MTA3: variants seen among roughly 807,000 people sequenced by gnomAD.
MTA3 encodes metastasis associated 1 family member 3.
MTA3 carries 34 observed loss-of-function variants against 83.5 expected under a neutral mutation model. The ratio of observed to expected loss-of-function variants is 0.41; its 90% confidence interval spans 0.31 to 0.54. The LOEUF (loss-of-function observed/expected upper bound fraction) is 0.54. Ranked by LOEUF, MTA3 falls within the 20% of genes least tolerant of loss-of-function variation. The probability of loss-of-function intolerance (pLI) is 0.33; values close to 1 mark genes in which losing one functional copy is unlikely to be tolerated. For synonymous variants in MTA3, 303 were observed against 252.7 expected, an observed-to-expected ratio of 1.20 and a Z score of -1.89; for missense variants, 761 against 726.4, an observed-to-expected ratio of 1.05 and a Z score of -0.55.
intron 8 of MTA3, chr2:42,680,153 T>C (rs1311166385): frequency 1.3e-5 from 2 of 153,132 alleles, no homozygotes; most frequent in African/African-American, 4.8e-5. Context: ...TTTTCTGGGA[T>C]AGCAACTCCT....
At chr2:42,601,665 G>A (rs1005147312) in intron 3 of MTA3, among the ~76,000 whole-genome samples, 1 of 152,134 alleles carries the variant, frequency 6.6e-6, no homozygotes, top group East Asian at 1.9e-4. Context: ...TGGGATTCCA[G>A]GTTCACGCCA....
At chr2:42,643,711 A>G (rs1416232594) in intron 5 of MTA3, among the ~76,000 whole-genome samples, 3 of 152,228 alleles carry the variant, frequency 2.0e-5, no homozygotes, top group Admixed American at 2.0e-4. Context: ...GATGGACATT[A>G]CAAAAGTAAG....
intron 9 of MTA3, among the ~76,000 whole-genome samples, chr2:42,688,531 T>G (rs1692591829): frequency 6.6e-6 from 1 of 152,210 alleles, no homozygotes; most frequent in South Asian, 2.1e-4. Flanking sequence ...GTGAAATGTT[T>G]TTCAAAATCT....
chr2:42,618,456 A>T (rs1685169609), intron 4 of MTA3, among the ~76,000 whole-genome samples: 1 of 152,210 alleles, frequency 6.6e-6, no homozygotes, highest in African/African-American at 2.4e-5. Context: ...TATGTTAAAA[A>T]TTTTAAATAA....
intron 2 of MTA3, among the ~76,000 whole-genome samples, chr2:42,496,840 A>C (rs754265698): frequency 6.6e-6 from 1 of 152,074 alleles, no homozygotes; most frequent in Non-Finnish European, 1.5e-5. Flanking sequence ...TCCTATCTCT[A>C]TGAATTCTGA....
intron 2 of MTA3, among the ~76,000 whole-genome samples, chr2:42,536,887 T>C (rs1377392115): frequency 4.1e-5 from 6 of 144,590 alleles, no homozygotes; most frequent in Non-Finnish European, 9.0e-5. Flanking sequence ...AGGGAGTATA[T>C]AGTGGTCCCT....
At chr2:42,524,513 A>G (rs1201457911) in intron 2 of MTA3, among the ~76,000 whole-genome samples, 2 of 120,242 alleles carry the variant, frequency 1.7e-5, no homozygotes, top group Admixed American at 1.0e-4. Flanking sequence ...TTTAGTAGAG[A>G]TGGGGTTTCA....
chr2:42,677,461 G>A (rs1275728756), intron 8 of MTA3, among the ~76,000 whole-genome samples: 1 of 152,104 alleles, frequency 6.6e-6, no homozygotes, highest in Non-Finnish European at 1.5e-5. Flanking sequence ...TCCTGCCTCA[G>A]CCTACTGAGT....
At chr2:42,535,255 C>T (rs1325952799) in intron 2 of MTA3, among the ~76,000 whole-genome samples, 1 of 152,008 alleles carries the variant, frequency 6.6e-6, no homozygotes, top group Non-Finnish European at 1.5e-5. Flanking sequence ...GGCATGGTGG[C>T]ACATGCCTGT....
intron 9 of MTA3, among the ~76,000 whole-genome samples, chr2:42,691,196 G>C (rs889019329): frequency 6.6e-6 from 1 of 152,096 alleles, no homozygotes; most frequent in African/African-American, 2.4e-5. Flanking sequence ...ATTTTTAATA[G>C]AGACGGGGTT....
At chr2:42,561,327 T>TC (rs1553342350) in intron 2 of MTA3, among the ~76,000 whole-genome samples, 1 of 151,442 alleles carries the variant, frequency 6.6e-6, no homozygotes, top group African/African-American at 2.4e-5. Context: ...TTTATTTATT[T>TC]CTTTTTTTTT....
intron 4 of MTA3, among the ~76,000 whole-genome samples, chr2:42,619,606 A>T (rs2104177316): frequency 6.6e-6 from 1 of 152,326 alleles, no homozygotes; most frequent in South Asian, 2.1e-4. Context: ...CCAGTGATTC[A>T]ATGTAGTTCC....
chr2:42,658,727 T>C (rs1417677336), intron 7 of MTA3, among the ~76,000 whole-genome samples: 1 of 152,178 alleles, frequency 6.6e-6, no homozygotes, highest in African/African-American at 2.4e-5. Flanking sequence ...ACTATCTGTT[T>C]ACTGTGTACT....
intron 6 of MTA3, 102 bp downstream of exon 6, chr2:42,644,346 A>G (rs1687967732): frequency 4.5e-6 from 3 of 668,782 alleles, no homozygotes; most frequent in South Asian, 4.4e-5. Context: ...GGCAAAGTCT[A>G]AAAGTTATAA....
chr2:42,751,830 T>C (rs1338516783), intron 16 of MTA3, among the ~76,000 whole-genome samples: 1 of 152,114 alleles, frequency 6.6e-6, no homozygotes, highest in East Asian at 1.9e-4. Flanking sequence ...CTCCACTAAA[T>C]ACAAAAAGAG....
intron 2 of MTA3, among the ~76,000 whole-genome samples, chr2:42,502,637 A>G (rs1034557323): frequency 6.6e-6 from 1 of 152,034 alleles, no homozygotes; most frequent in East Asian, 1.9e-4. Flanking sequence ...CGTCTCTACT[A>G]AAAATACAAA....
At chr2:42,622,044 C>T (rs1243685281) in intron 4 of MTA3, among the ~76,000 whole-genome samples, 3 of 152,182 alleles carry the variant, frequency 2.0e-5, no homozygotes, top group African/African-American at 7.2e-5. Context: ...TTTGGGAGGC[C>T]AAGGCAGGCG....
chr2:42,753,421 A>C lies in MTA3; in HGVS notation c.*22A>C. ...CTGAGCTTTCCCTGATTCATTCTACAATCCAAGACTTGCTGCACTGTCCTG... is the reference window on the plus strand; with the variant it reads ...CTGAGCTTTCCCTGATTCATTCTACCATCCAAGACTTGCTGCACTGTCCTG... On this transcript the variant is annotated 3_prime_UTR_variant, in exon 17 of 17. Transcript: ENST00000405094. 1 of 1,550,554 alleles carries C rather than the reference A, an allele frequency of 6.4e-7. No individual in the cohort carries two copies. Among genetic ancestry groups the C allele is most frequent in the Non-Finnish European group, 8.7e-7 (1 of 1,146,958 alleles).
chr2:42,713,898 C>G (rs553788168), intron 14 of MTA3, among the ~76,000 whole-genome samples: 1 of 152,214 alleles, frequency 6.6e-6, no homozygotes, highest in African/African-American at 2.4e-5. Context: ...TCATTTCATA[C>G]TGATGTATAA....
Sources: allele counts gnomAD v4.1 joint callset (sites outside exome capture counted in the v4.1 genomes callset), GRCh38; gene constraint gnomAD v4.1.1; transcripts MANE v1.5; gene names NCBI Gene and HGNC (gene_info 2026-07-23, HGNC 2026-07-21).